KIAA1217: variants seen among roughly 807,000 people sequenced by gnomAD.
The protein encoded by KIAA1217 is KIAA1217.
A neutral mutation model predicts 163.9 loss-of-function variants in KIAA1217; 88 were observed. The observed-to-expected ratio is 0.54, with a 90% CI of 0.45 to 0.64. The LOEUF (loss-of-function observed/expected upper bound fraction) is 0.64. Ranked by LOEUF, KIAA1217 falls within the 30% of genes least tolerant of loss-of-function variation. The pLI is 0.00. For synonymous variants in KIAA1217, 903 were observed against 923.1 expected, an observed-to-expected ratio of 0.98 and a Z score of 0.39; for missense variants, 2,372 against 2,475.0, an observed-to-expected ratio of 0.96 and a Z score of 0.88.
chr10:24,152,021 C>T (rs542139670), intron 2 of KIAA1217, among the ~76,000 whole-genome samples: 62 of 152,224 alleles, frequency 4.1e-4, no homozygotes, highest in Non-Finnish European at 7.1e-4. Context: ...GTTTTGTGAC[C>T]ATAGGTCAGA....
intron 2 of KIAA1217, among the ~76,000 whole-genome samples, chr10:24,070,348 A>G (rs150125054): frequency 2.4e-3 from 372 of 152,314 alleles, no homozygotes; most frequent in African/African-American, 8.7e-3. Flanking sequence ...CAAACAAAAT[A>G]CATTGAAAAA....
intron 2 of KIAA1217, among the ~76,000 whole-genome samples, chr10:24,096,274 A>G (rs11013895): frequency 0.27 from 40,861 of 151,960 alleles, 9,919 homozygotes; most frequent in African/African-American, 0.66. Context: ...TTTCCCTCCA[A>G]TCCAGATCCC....
chr10:24,074,127 T>A (rs1157438652), intron 2 of KIAA1217, among the ~76,000 whole-genome samples: 1 of 152,196 alleles, frequency 6.6e-6, no homozygotes, highest in Admixed American at 6.5e-5. Flanking sequence ...GTGGATCACC[T>A]GAAGTCAGGA....
chr10:24,294,869 A>T (rs924927532), intron 2 of KIAA1217, among the ~76,000 whole-genome samples: 1 of 152,232 alleles, frequency 6.6e-6, no homozygotes, highest in Non-Finnish European at 1.5e-5. Flanking sequence ...CAAATCACAC[A>T]TACCCTGCCT....
chr10:24,300,497 G>A (rs569834280), intron 2 of KIAA1217, among the ~76,000 whole-genome samples: 1 of 152,262 alleles, frequency 6.6e-6, no homozygotes, highest in East Asian at 1.9e-4. Flanking sequence ...TTTCTACTAT[G>A]AAAGCCCCTC....
chr10:24,090,468 C>T (rs1325114834), intron 2 of KIAA1217, among the ~76,000 whole-genome samples: 4 of 150,346 alleles, frequency 2.7e-5, no homozygotes, highest in Non-Finnish European at 5.9e-5. Context: ...GCATGAGCCA[C>T]TGCACCCAGC....
intron 1 of KIAA1217, among the ~76,000 whole-genome samples, chr10:23,846,706 C>G (rs559543211): frequency 3.9e-5 from 6 of 152,248 alleles, no homozygotes; most frequent in African/African-American, 7.2e-5. Flanking sequence ...TTCCTCTCTT[C>G]CTATTTGAAT....
At chr10:23,851,626 C>T (rs1365905335) in intron 1 of KIAA1217, among the ~76,000 whole-genome samples, 2 of 152,150 alleles carry the variant, frequency 1.3e-5, no homozygotes, top group Non-Finnish European at 2.9e-5. Context: ...TACAGTCCCA[C>T]CAACAGTGTA....
intron 1 of KIAA1217, among the ~76,000 whole-genome samples, chr10:23,701,996 TAGAA>T (rs1009721355): frequency 2.6e-5 from 4 of 152,172 alleles, no homozygotes; most frequent in Non-Finnish European, 5.9e-5. Context: ...ATGCTAGAAA[TAGAA>T]AGAGAGCCTT....
chr10:24,063,059 G>C (rs1264927821), intron 2 of KIAA1217, among the ~76,000 whole-genome samples: 1 of 151,952 alleles, frequency 6.6e-6, no homozygotes, highest in Admixed American at 6.6e-5. Flanking sequence ...AGATGAGTAG[G>C]TTGCAAAAAT....
At chr10:23,720,568 G>T (rs1837824401) in intron 1 of KIAA1217, among the ~76,000 whole-genome samples, 1 of 152,038 alleles carries the variant, frequency 6.6e-6, no homozygotes. Context: ...GATATGAAGG[G>T]GACTGGGAGG....
chr10:24,178,178 C>T (rs1469374700), intron 2 of KIAA1217, among the ~76,000 whole-genome samples: 1 of 152,124 alleles, frequency 6.6e-6, no homozygotes, highest in Non-Finnish European at 1.5e-5. Context: ...TGAATGTTTA[C>T]GTTAATGTCA....
chr10:24,393,413 GA>G lies in KIAA1217; in HGVS notation c.553+12347del, dbSNP rs1397982758. Among the ~76,000 whole-genome samples, 28 of 152,178 alleles carry G rather than the reference GA, an allele frequency of 1.8e-4. No individual in the cohort carries two copies. In the East Asian group the frequency reaches 2.1e-3, roughly 12 times the overall value. On this transcript the variant is annotated intron_variant, in intron 3 of 20. Transcript: ENST00000376454. ...GAGATGAGGTTCTGTCTGGAGCAGG[GA>G]GGAGCCAGACTTTCCATCCAGGAAA...
chr10:23,751,110 C>T (rs1156594351), intron 1 of KIAA1217, among the ~76,000 whole-genome samples: 1 of 152,018 alleles, frequency 6.6e-6, no homozygotes, highest in Non-Finnish European at 1.5e-5. Flanking sequence ...TCACTGCAAC[C>T]TCCACCTCCC....
intron 1 of KIAA1217, among the ~76,000 whole-genome samples, chr10:23,872,884 C>A (rs1840525524): frequency 6.6e-6 from 1 of 151,928 alleles, no homozygotes; most frequent in Non-Finnish European, 1.5e-5. Context: ...CAGTATTCAC[C>A]ATGAGAAGCA....
chr10:24,180,459 A>G (rs2066122742), intron 2 of KIAA1217, among the ~76,000 whole-genome samples: 1 of 151,436 alleles, frequency 6.6e-6, no homozygotes, highest in African/African-American at 2.4e-5. Flanking sequence ...GCTAGTTTTT[A>G]TATTTTTAAT....
chr10:24,091,459 T>C (rs2061935781), intron 2 of KIAA1217, among the ~76,000 whole-genome samples: 1 of 151,938 alleles, frequency 6.6e-6, no homozygotes, highest in South Asian at 2.1e-4. Context: ...CTGCTTCTAA[T>C]TATCAGGAGT....
At chr10:24,489,575 AG>A (rs1273622032) in intron 6 of KIAA1217, among the ~76,000 whole-genome samples, 9 of 152,154 alleles carry the variant, frequency 5.9e-5, no homozygotes, top group African/African-American at 1.9e-4. Context: ...TGAATCAAAA[AG>A]TTATATAAGT....
intron 1 of KIAA1217, among the ~76,000 whole-genome samples, chr10:23,810,640 T>A (rs1233347621): frequency 1.5e-5 from 2 of 129,492 alleles, no homozygotes; most frequent in Non-Finnish European, 3.1e-5. Context: ...ATATAATAAA[T>A]ATATAGTGTG....
Sources: gnomAD v4.1 joint callset for allele counts (sites outside exome capture counted in the v4.1 genomes callset) on GRCh38, gnomAD v4.1.1 for gene constraint, MANE v1.5 for transcripts, NCBI Gene and HGNC (gene_info 2026-07-23, HGNC 2026-07-21) for gene names.